PARP14: variants seen among roughly 807,000 people sequenced by gnomAD.
PARP14 encodes protein mono-ADP-ribosyltransferase PARP14.
In PARP14, 59 loss-of-function variants were observed where a neutral mutation model predicts 154.2. The observed-to-expected ratio is 0.38, with a 90% CI of 0.31 to 0.48. The LOEUF (loss-of-function observed/expected upper bound fraction) is 0.48, where lower values mean the gene tolerates loss of function less well. PARP14 is among the 20% of genes least tolerant of loss of function. The pLI, the probability that PARP14 is intolerant of heterozygous loss-of-function variation, is 0.98. For missense variants in PARP14, 1,734 were observed against 2,131.6 expected (o/e 0.81, Z 3.67); for synonymous variants, 720 against 780.5 (o/e 0.92, Z 1.29).
At chr3:122,704,102 G>T (rs560659678) in intron 7 of PARP14, 124 bp downstream of exon 7, 130 of 682,204 alleles carry the variant, frequency 1.9e-4, no homozygotes, top group Non-Finnish European at 2.0e-4. Context: ...CACTCTTTTG[G>T]CAGATTCCAT....
chr3:122,709,379 T>C (rs1230866228), intron 9 of PARP14, among the ~76,000 whole-genome samples: 1 of 152,218 alleles, frequency 6.6e-6, no homozygotes, highest in Non-Finnish European at 1.5e-5. Flanking sequence ...TCAAAAGACA[T>C]TATTTCATTC....
rs1464073075 is a variant in PARP14 at position 122,681,961 on chromosome 3, C to A, written c.187+891C>A. 2.0e-5 allele frequency among the ~76,000 whole-genome samples: 3 copies of A among 152,100 alleles called. No individual in the cohort carries two copies. Among genetic ancestry groups the A allele is most frequent in the African/African-American group, 7.2e-5 (3 of 41,408 alleles). ...TCAACCCCTAATTCCGCTTTCATGT[C>A]GCTAGATTTGGAGAAGCATTCGGGC... is the stretch of plus-strand genomic sequence containing the variant. On this transcript the variant is annotated intron_variant, in intron 1 of 16. Coordinates refer to ENST00000474629, the MANE Select transcript of PARP14 (RefSeq NM_017554.3). This position sits in a 1 kb window ranked among gnomAD's most constrained non-coding sequence, Gnocchi z 5.5.
intron 9 of PARP14, 74 bp from the exon 10 acceptor site, chr3:122,713,350 C>A: frequency 8.0e-7 from 1 of 1,253,478 alleles, no homozygotes. Flanking sequence ...CAAGAGGGTC[C>A]CATGTGAGCA....
At chr3:122,714,553 G>A in intron 12 of PARP14, 124 bp downstream of exon 12, 1 of 604,566 alleles carries the variant, frequency 1.7e-6, no homozygotes, top group South Asian at 3.2e-5. Flanking sequence ...AGCTAGGAGT[G>A]GACAGCTTCC....
At chr3:122,704,025 G>A (rs1250525090) in intron 7 of PARP14, 47 bp downstream of exon 7, 5 of 1,328,726 alleles carry the variant, frequency 3.8e-6, no homozygotes, top group African/African-American at 1.4e-5. Flanking sequence ...AGCCCTTTGG[G>A]TTCTCCTTTT....
chr3:122,699,686 C>G lies in PARP14; in HGVS notation c.1132C>G (p.Pro378Ala). Residue 378 changes from proline to alanine, a missense_variant, in exon 6 of 17, where the codon CCG (proline) becomes GCG (alanine). Physicochemically the swap from Pro to Ala is conservative, Grantham distance 27 (BLOSUM62 -1). This residue lies in a region of PARP14 where 1,646 missense variants were observed against 1,976.0 expected (regional missense o/e 0.83). Transcript: ENST00000474629. ...PAATLVNEGR[P>A]RIKTWQADTS... ...AGCCACCTTAGTCAATGAAGGAAGA[C>G]CGAGAATCAAGACCTGGCAGGCAGA... The G allele has an allele frequency of 6.2e-7, 1 of 1,614,026 alleles. No individual in the cohort carries two copies.
rs746543829 is a variant in PARP14, at chr3:122,728,585, G to A, written c.5394G>A (p.Thr1798=). Residue 1798 remains threonine (T), a synonymous_variant, in exon 17 of 17, where the codon ACG becomes ACA. Coordinates refer to ENST00000474629, the MANE Select transcript of PARP14 (RefSeq NM_017554.3). ...AAGCATACCCAGAGTACCTTATTAC[G>A]TTTAGAAAATAACACTTTGGTATCC... ...DYQAYPEYLI[T]FRK 75 of 1,607,916 alleles carry A rather than the reference G, an allele frequency of 4.7e-5. No homozygotes were observed. The Middle Eastern group carries it at 8.2e-4, about 18-fold the overall frequency.
Position 122,695,765 on chromosome 3 carries a change from G to A in PARP14, c.835+103G>A, listed in dbSNP as rs534541174. ...TGATGTGTTTTATTTGTTTATTTAT[G>A]TATTTCTTTGGGAATTGAATAAATA... On this transcript the variant is annotated intron_variant, in intron 5 of 16. Transcript: ENST00000474629. 1.3e-5 allele frequency: 8 copies of A among 621,904 alleles called. No individual in the cohort carries two copies. The African/African-American group carries it at 1.3e-4, about 10-fold the overall frequency. 38.5% of individuals were successfully genotyped at this position (621,904 alleles called of 1,614,324 possible).
chr3:122,718,555 T>C lies in PARP14; in HGVS notation c.4404T>C (p.Asp1468=). 1 of 1,613,892 alleles carries C rather than the reference T, an allele frequency of 6.2e-7. No individual in the cohort carries two copies. Among genetic ancestry groups the C allele is most frequent in the Non-Finnish European group, 8.5e-7 (1 of 1,179,830 alleles). The change falls in exon 14 of 17, where the codon GAT becomes GAC. Residue 1468 remains aspartate (D), a synonymous_variant. Coordinates refer to ENST00000474629, the MANE Select transcript of PARP14 (RefSeq NM_017554.3). The part of the protein sequence containing the change: ...TSEDECIKDF[D]EKEYQELNEL... ...AAGATGAGTGCATCAAAGACTTTGATGAAAAGGAGTATCAGGAGTTGAATG... is the reference window on the plus strand; with the variant it reads ...AAGATGAGTGCATCAAAGACTTTGACGAAAAGGAGTATCAGGAGTTGAATG...
chr3:122,698,647 A>T (rs1333621321), intron 5 of PARP14, among the ~76,000 whole-genome samples: 1 of 152,216 alleles, frequency 6.6e-6, no homozygotes, highest in Non-Finnish European at 1.5e-5. Context: ...CCTCAGTTTT[A>T]GTAGGATGAT....
intron 12 of PARP14, among the ~76,000 whole-genome samples, chr3:122,715,468 C>A (rs910786578): frequency 1.3e-5 from 2 of 152,096 alleles, no homozygotes; most frequent in African/African-American, 4.8e-5. Flanking sequence ...AGATGGAATT[C>A]TATGTCTATT....
At chr3:122,682,763 C>G (rs971960451) in intron 1 of PARP14, among the ~76,000 whole-genome samples, 1 of 152,050 alleles carries the variant, frequency 6.6e-6, no homozygotes, top group Admixed American at 6.6e-5. Context: ...TATTAAAACT[C>G]AAAACCGGCC....
intron 15 of PARP14, among the ~76,000 whole-genome samples, chr3:122,723,633 TACATC>T (rs1933213428): frequency 6.6e-6 from 1 of 152,262 alleles, no homozygotes; most frequent in African/African-American, 2.4e-5. Flanking sequence ...TCATAGGTGA[TACATC>T]ACATCAGGAA....
At chr3:122,720,469 A>C in intron 15 of PARP14, 81 bp downstream of exon 15, 1 of 1,285,200 alleles carries the variant, frequency 7.8e-7, no homozygotes, top group Non-Finnish European at 1.1e-6. Context: ...ATTTTCATTC[A>C]CTTCCTATCA....
intron 12 of PARP14, among the ~76,000 whole-genome samples, chr3:122,715,454 T>A (rs967874110): frequency 1.3e-5 from 2 of 152,214 alleles, no homozygotes; most frequent in Non-Finnish European, 2.9e-5. Context: ...CTTATAATGT[T>A]CCGAGATGGA....
intron 15 of PARP14, among the ~76,000 whole-genome samples, chr3:122,727,444 G>A (rs553069291): frequency 6.6e-6 from 1 of 152,296 alleles, no homozygotes; most frequent in South Asian, 2.1e-4. Context: ...AAGGACTGAG[G>A]TGGTGAGAGG....
intron 2 of PARP14, among the ~76,000 whole-genome samples, chr3:122,685,701 G>A (rs1576579196): frequency 1.3e-5 from 2 of 152,012 alleles, no homozygotes; most frequent in African/African-American, 4.8e-5. Context: ...GTAGAGACGG[G>A]GTTTCACCAT....
At position 122,680,882 on chromosome 3, in the gene PARP14, G is replaced by C. The variant is rs71329297; in HGVS notation, c.-2G>C. 1 of 1,600,674 alleles carries C rather than the reference G, an allele frequency of 6.2e-7. No homozygotes were observed. ...GCAGTCCGGCGGAGAGCGGAGCTGAGGATGGCTGTGCCCGGCTCCTTCCCG... is the reference window on the plus strand; with the variant it reads ...GCAGTCCGGCGGAGAGCGGAGCTGACGATGGCTGTGCCCGGCTCCTTCCCG... On this transcript the variant is annotated 5_prime_UTR_variant, in exon 1 of 17. Coordinates refer to ENST00000474629, the MANE Select transcript of PARP14 (RefSeq NM_017554.3).
chr3:122,702,882 C>T (rs143445472), intron 6 of PARP14, among the ~76,000 whole-genome samples: 380 of 150,934 alleles, frequency 2.5e-3, no homozygotes, highest in Non-Finnish European at 4.0e-3. Context: ...CCTTACTACT[C>T]GGAATGCTGA....
Sources: gnomAD v4.1 joint callset for allele counts (sites outside exome capture counted in the v4.1 genomes callset) on GRCh38, gnomAD v4.1.1 for gene constraint, gnomAD v4.1.1 regional missense constraint, Gnocchi (gnomAD v3.1) non-coding constraint, MANE v1.5 for transcripts, NCBI Gene and HGNC (gene_info 2026-07-23, HGNC 2026-07-21) for gene names.